The following KIF13A variants were observed in gnomAD, a reference collection of about 807,000 sequenced individuals.
KIF13A encodes kinesin-like protein KIF13A.
KIF13A carries 79 observed loss-of-function variants against 212.2 expected under a neutral mutation model. The observed-to-expected ratio is 0.37, with a 90% CI of 0.31 to 0.45. The LOEUF (loss-of-function observed/expected upper bound fraction) is 0.45. Ranked by LOEUF, KIF13A falls within the 20% of genes least tolerant of loss-of-function variation. The pLI is 1.00. For missense variants in KIF13A, 1,901 were observed against 2,209.0 expected (o/e 0.86, Z 2.79); for synonymous variants, 789 against 808.6 (o/e 0.98, Z 0.41).
rs1272359572 is a variant in KIF13A, at chr6:17,855,754, C to T, written c.314-137G>A. Reference sequence around the variant, plus strand: ...GCCAACTTAGCCTCAAACCCTGTTGCTCAGGCTGGAGTGCAGTGGTGTGAT... The same window carrying T: ...GCCAACTTAGCCTCAAACCCTGTTGTTCAGGCTGGAGTGCAGTGGTGTGAT... On this transcript the variant is annotated intron_variant, in intron 5 of 38. Coordinates refer to ENST00000259711, the MANE Select transcript of KIF13A (RefSeq NM_022113.6). The surrounding 1 kb of genome is among the most constrained non-coding windows in gnomAD (Gnocchi z 4.1). 2 of 721,016 alleles carry T rather than the reference C, an allele frequency of 2.8e-6. No homozygotes were observed. The highest frequency in any genetic ancestry group is 1.8e-5 in the African/African-American group (1 of 55,868). 44.7% of individuals were successfully genotyped at this position (721,016 alleles called of 1,614,324 possible).
At chr6:17,896,389 A>G (rs570749261) in intron 3 of KIF13A, among the ~76,000 whole-genome samples, 2 of 152,284 alleles carry the variant, frequency 1.3e-5, no homozygotes, top group Admixed American at 6.5e-5. Context: ...CGTTTTAAAT[A>G]AAATTTTATT....
chr6:17,833,137 C>T (rs993583504), intron 12 of KIF13A, among the ~76,000 whole-genome samples: 10 of 151,572 alleles, frequency 6.6e-5, no homozygotes, highest in South Asian at 4.1e-4. Context: ...CTATCTAACA[C>T]GTCTAGCAAA....
intron 2 of KIF13A, among the ~76,000 whole-genome samples, chr6:17,917,786 C>T (rs77701043): frequency 1.3e-5 from 2 of 152,138 alleles, no homozygotes; most frequent in African/African-American, 4.8e-5. Flanking sequence ...TGCAACAATG[C>T]CTTAATGCAC....
At chr6:17,814,127 A>AT (rs1307482784) in intron 17 of KIF13A, among the ~76,000 whole-genome samples, 1 of 150,350 alleles carries the variant, frequency 6.7e-6, no homozygotes, top group Non-Finnish European at 1.5e-5. Flanking sequence ...TAATTTTTGT[A>AT]TTTTTAGTAG....
chr6:17,909,581 T>C (rs532124755), intron 2 of KIF13A, among the ~76,000 whole-genome samples: 1 of 143,358 alleles, frequency 7.0e-6, no homozygotes, highest in African/African-American at 2.6e-5. Flanking sequence ...AAAATATGTA[T>C]GATAGAGGAA....
chr6:17,909,792 G>C (rs376485699), intron 2 of KIF13A, among the ~76,000 whole-genome samples: 7 of 152,108 alleles, frequency 4.6e-5, no homozygotes, highest in African/African-American at 1.7e-4. Context: ...TACTTGGGAG[G>C]CTGAGGCAGG....
chr6:17,846,041 CTTTTTTTTTT>C (rs34232861), intron 9 of KIF13A, among the ~76,000 whole-genome samples: 3 of 83,264 alleles, frequency 3.6e-5, no homozygotes, highest in South Asian at 5.1e-4. Context: ...GGAACTCAAC[CTTTTTTTTTT>C]TTTTTTTTTT....
chr6:17,766,673 G>A (rs1055226153), intron 38 of KIF13A, among the ~76,000 whole-genome samples: 2 of 152,086 alleles, frequency 1.3e-5, no homozygotes, highest in African/African-American at 4.8e-5. Context: ...TCCAATCTCT[G>A]CCTCCTGAGT....
chr6:17,954,303 CAA>C (rs71002291), intron 2 of KIF13A, among the ~76,000 whole-genome samples: 9,664 of 107,196 alleles, frequency 0.09, 368 homozygotes, highest in Non-Finnish European at 0.13. Flanking sequence ...GACTCCATCT[CAA>C]AAAAAAAAAA....
chr6:17,802,877 G>A (rs1762582289), intron 20 of KIF13A, among the ~76,000 whole-genome samples: 1 of 151,738 alleles, frequency 6.6e-6, no homozygotes, highest in Non-Finnish European at 1.5e-5. Context: ...CTGAGTAGCT[G>A]GTGGGACTAT....
rs536985223 is a variant in KIF13A at position 17,893,648 on chromosome 6, C to T, written c.159+4520G>A. Among the ~76,000 whole-genome samples, 3 of 152,180 alleles carry T rather than the reference C, an allele frequency of 2.0e-5. No individual in the cohort carries two copies. The South Asian group carries it at 6.2e-4, about 32-fold the overall frequency. On this transcript the variant is annotated intron_variant, in intron 3 of 38. Coordinates refer to ENST00000259711, the MANE Select transcript of KIF13A (RefSeq NM_022113.6). ...ATATAAGTGGTTAGATCAATATCCT[C>T]GCCTTATTCCCCATTTTAGGCAGAA...
chr6:17,957,658 C>T (rs1778451267), intron 2 of KIF13A, among the ~76,000 whole-genome samples: 1 of 152,174 alleles, frequency 6.6e-6, no homozygotes, highest in Non-Finnish European at 1.5e-5. Context: ...CTGACACTAT[C>T]TCTGAGTAGA....
At chr6:17,891,551 A>G (rs1772059334) in intron 3 of KIF13A, among the ~76,000 whole-genome samples, 1 of 152,182 alleles carries the variant, frequency 6.6e-6, no homozygotes, top group Admixed American at 6.6e-5. Flanking sequence ...TGAAGCCAGG[A>G]GTTTGAGACC....
intron 4 of KIF13A, among the ~76,000 whole-genome samples, chr6:17,857,102 G>A (rs1188347763): frequency 6.6e-6 from 1 of 151,786 alleles, no homozygotes. Flanking sequence ...TGAAAATAAT[G>A]TAACACAACA....
rs1355043329 is a variant in KIF13A, at chr6:17,918,987, G to C, written c.147-20807C>G. On this transcript the variant is annotated intron_variant, in intron 2 of 38. Coordinates refer to ENST00000259711, the MANE Select transcript of KIF13A (RefSeq NM_022113.6). This position sits in a 1 kb window ranked among gnomAD's most constrained non-coding sequence, Gnocchi z 4.8. ...TATCTTGTTCTCTGATACATTCCCAGTGCCTACAGGGTTGTCAGGCACGAA... is the reference window on the plus strand; with the variant it reads ...TATCTTGTTCTCTGATACATTCCCACTGCCTACAGGGTTGTCAGGCACGAA... Among the ~76,000 whole-genome samples the C allele has an allele frequency of 2.6e-5, 4 of 152,176 alleles. No individual in the cohort carries two copies. The highest frequency in any genetic ancestry group is 4.4e-5 in the Non-Finnish European group (3 of 68,036).
rs771572340 is a variant in KIF13A at position 17,892,238 on chromosome 6, T to C, written c.159+5930A>G. Among the ~76,000 whole-genome samples, 4 of 152,250 alleles carry C rather than the reference T, an allele frequency of 2.6e-5. No homozygotes were observed. The highest frequency in any genetic ancestry group is 5.9e-5 in the Non-Finnish European group (4 of 68,046). On this transcript the variant is annotated intron_variant, in intron 3 of 38. Transcript: ENST00000259711. This position sits in a 1 kb window ranked among gnomAD's most constrained non-coding sequence, Gnocchi z 4.7. ...TGACTCTTGATATACTGTCTTCTCC[T>C]ATATGCTGTTAGCATCAAAGTCCTG...
At chr6:17,803,455 C>T (rs954140579) in intron 20 of KIF13A, among the ~76,000 whole-genome samples, 1 of 152,178 alleles carries the variant, frequency 6.6e-6, no homozygotes, top group African/African-American at 2.4e-5. Context: ...CGCAGCTTCA[C>T]TTTGGGCAGA....
intron 2 of KIF13A, among the ~76,000 whole-genome samples, chr6:17,924,415 A>G (rs1348828380): frequency 6.6e-6 from 1 of 152,182 alleles, no homozygotes; most frequent in East Asian, 1.9e-4. Flanking sequence ...TAAAAGTTCA[A>G]TGTATTAGTG....
rs183814052 is a variant in KIF13A at position 17,871,535 on chromosome 6, G to C, written c.220+1842C>G. Among the ~76,000 whole-genome samples the C allele has an allele frequency of 1.3e-3, 200 of 152,116 alleles. No homozygotes were observed. The highest frequency in any genetic ancestry group is 4.2e-3 in the African/African-American group (174 of 41,468). ...TGGGCTGCACACACACAGTGGGTTG[G>C]GGGGGGAGTCATGAATACTTAAAAA... is the stretch of plus-strand genomic sequence containing the variant. On this transcript the variant is annotated intron_variant, in intron 4 of 38. Coordinates refer to ENST00000259711, the MANE Select transcript of KIF13A (RefSeq NM_022113.6). This position sits in a 1 kb window ranked among gnomAD's most constrained non-coding sequence, Gnocchi z 4.4.
Sources: gnomAD v4.1 joint callset for allele counts (sites outside exome capture counted in the v4.1 genomes callset) on GRCh38, gnomAD v4.1.1 for gene constraint, Gnocchi (gnomAD v3.1) non-coding constraint, MANE v1.5 for transcripts, NCBI Gene and HGNC (gene_info 2026-07-23, HGNC 2026-07-21) for gene names.